Variants in MID1 observed in about 807,000 individuals in gnomAD.
MID1 encodes the protein midline 1.
MID1 carries 7 observed loss-of-function variants against 40.4 expected under a neutral mutation model. The ratio of observed to expected loss-of-function variants is 0.17; its 90% CI spans 0.10 to 0.33. The LOEUF is 0.33. MID1 is among the 10% of genes least tolerant of loss of function. The probability of loss-of-function intolerance (pLI) is 1.00; values close to 1 mark genes in which losing one functional copy is unlikely to be tolerated. For synonymous variants in MID1, 229 were observed against 221.2 expected, an observed-to-expected ratio of 1.04 and a Z score of -0.31; for missense variants, 367 against 558.5, an observed-to-expected ratio of 0.66 and a Z score of 3.46.
At chrX:10,533,861 A>G (rs1933135556) in intron 2 of MID1, among the ~76,000 whole-genome samples, 2 of 111,944 alleles carry the variant, frequency 1.8e-5, no homozygotes, top group Admixed American at 9.5e-5. Flanking sequence ...AACATGGTCA[A>G]AAGTGAGTAA....
chrX:10,571,563 A>G (rs904930879), intron 1 of MID1, among the ~76,000 whole-genome samples: 1 of 107,568 alleles, frequency 9.3e-6, no homozygotes, highest in Non-Finnish European at 1.9e-5. Context: ...TCCTGAGACA[A>G]GTACTGGTAA....
At chrX:10,473,621 T>C (rs1929835668) in intron 6 of MID1, among the ~76,000 whole-genome samples, 1 of 112,199 alleles carries the variant, frequency 8.9e-6, no homozygotes, top group Non-Finnish European at 1.9e-5. Flanking sequence ...CTCACAAACA[T>C]GTACACACAG....
intron 5 of MID1, among the ~76,000 whole-genome samples, chrX:10,475,538 A>C (rs1281393531): frequency 8.9e-6 from 1 of 112,185 alleles, no homozygotes; most frequent in African/African-American, 3.2e-5. Context: ...GTTATTAATA[A>C]TGAACACTTT....
chrX:10,454,974 G>A lies in MID1; in HGVS notation c.1551C>T (p.His517=), dbSNP rs373323988. Reference sequence around the variant, plus strand: ...CCTGGCTGGTGAAGCGTTCAGGTGTGTGACTCTTCTTGGATGATGACTCAT... The same window carrying A: ...CCTGGCTGGTGAAGCGTTCAGGTGTATGACTCTTCTTGGATGATGACTCAT... ...ERDESSSKKS[H]TPERFTSQGS... is the part of the protein sequence containing the mutation. The change falls in exon 9 of 10, where the codon CAC becomes CAT. Residue 517 remains histidine (H), a synonymous_variant. Transcript: ENST00000317552. 3 of 1,209,446 alleles carry A rather than the reference G, an allele frequency of 2.5e-6. No homozygotes were observed. Among genetic ancestry groups the A allele is most frequent in the Non-Finnish European group, 3.4e-6 (3 of 893,291 alleles).
At chrX:10,471,390 G>A (rs1039338635) in intron 6 of MID1, among the ~76,000 whole-genome samples, 11 of 112,392 alleles carry the variant, frequency 9.8e-5, no homozygotes, top group African/African-American at 3.5e-4. Context: ...ACGGTATTAA[G>A]TCAATTAGCT....
At chrX:10,601,907 T>TTTTTG (rs1935531509) in intron 1 of MID1, among the ~76,000 whole-genome samples, 2 of 107,377 alleles carry the variant, frequency 1.9e-5, no homozygotes, top group African/African-American at 6.9e-5. Flanking sequence ...TTTTGTTTTT[T>TTTTTG]TTTTTTTGAG....
At chrX:10,451,220 G>C (rs1214260398) in intron 9 of MID1, among the ~76,000 whole-genome samples, 3 of 111,762 alleles carry the variant, frequency 2.7e-5, no homozygotes, top group African/African-American at 9.8e-5. Flanking sequence ...AATCCAAGTT[G>C]CATTTCCCAG....
chrX:10,533,375 A>G (rs1249126611), intron 2 of MID1, among the ~76,000 whole-genome samples: 1 of 83,906 alleles, frequency 1.2e-5, no homozygotes, highest in Non-Finnish European at 2.3e-5. Flanking sequence ...AAAGAAAGAA[A>G]GAAAAAGAAA....
At chrX:10,806,411 T>C (rs1251140163) in intron 1 of MID1, among the ~76,000 whole-genome samples, 14 of 112,080 alleles carry the variant, frequency 1.2e-4, no homozygotes, top group Non-Finnish European at 1.7e-4. Flanking sequence ...CTATATTCTC[T>C]GGATTTGCTT....
chrX:10,815,217 C>T (rs1263341407), intron 1 of MID1, among the ~76,000 whole-genome samples: 1 of 112,041 alleles, frequency 8.9e-6, no homozygotes, highest in Admixed American at 9.5e-5. Flanking sequence ...AAATTCCCTG[C>T]CATCTTGCAT....
chrX:10,680,810 C>T (rs2043053945), intron 1 of MID1, among the ~76,000 whole-genome samples: 1 of 109,506 alleles, frequency 9.1e-6, no homozygotes, highest in African/African-American at 3.3e-5. Flanking sequence ...TAAGGTGAGC[C>T]GATTGAGCTC....
intron 1 of MID1, among the ~76,000 whole-genome samples, chrX:10,717,024 T>C (rs1424295860): frequency 9.0e-6 from 1 of 111,315 alleles, no homozygotes; most frequent in Non-Finnish European, 1.9e-5. Context: ...AGGCCTGCCC[T>C]AAAAGAGCTC....
At chrX:10,641,814 C>T (rs994568177) in intron 1 of MID1, among the ~76,000 whole-genome samples, 1 of 111,442 alleles carries the variant, frequency 9.0e-6, no homozygotes, top group Admixed American at 9.5e-5. Flanking sequence ...AACGTTTATC[C>T]ACCGCGATCA....
chrX:10,686,155 T>C (rs1334872520), intron 1 of MID1, among the ~76,000 whole-genome samples: 2 of 111,460 alleles, frequency 1.8e-5, no homozygotes, highest in Non-Finnish European at 3.8e-5. Context: ...ATCATCACCA[T>C]GGCTCAGAGT....
At chrX:10,654,975 T>C (rs765263598) in intron 1 of MID1, among the ~76,000 whole-genome samples, 1 of 112,328 alleles carries the variant, frequency 8.9e-6, no homozygotes, top group Non-Finnish European at 1.9e-5. Context: ...TTGATGTGCT[T>C]GCATAGCAGG....
intron 4 of MID1, among the ~76,000 whole-genome samples, chrX:10,487,830 T>C (rs962152983): frequency 1.8e-5 from 2 of 111,878 alleles, no homozygotes; most frequent in Non-Finnish European, 3.8e-5. Context: ...TTATAACTAG[T>C]GTAACTAGTT....
At chrX:10,609,780 C>T (rs1470526703) in intron 1 of MID1, among the ~76,000 whole-genome samples, 3 of 101,223 alleles carry the variant, frequency 3.0e-5, no homozygotes, top group Non-Finnish European at 5.9e-5. Context: ...TGCAGTGGCG[C>T]GATCTCGGCT....
chrX:10,529,865 G>A (rs1932913538), intron 2 of MID1, among the ~76,000 whole-genome samples: 1 of 112,136 alleles, frequency 8.9e-6, no homozygotes, highest in Non-Finnish European at 1.9e-5. Context: ...CAATTAGCAT[G>A]GAAAACTGAA....
chrX:10,662,572 A>C (rs149130716), intron 1 of MID1, among the ~76,000 whole-genome samples: 2,162 of 111,373 alleles, frequency 0.019, 51 homozygotes, highest in African/African-American at 0.067. Flanking sequence ...ATACAATGTT[A>C]GGATCGGCAG....
Sources: allele counts gnomAD v4.1 joint callset (sites outside exome capture counted in the v4.1 genomes callset), GRCh38; gene constraint gnomAD v4.1.1; transcripts MANE v1.5; gene names NCBI Gene and HGNC (gene_info 2026-07-23, HGNC 2026-07-21).